The following WWC1 variants were observed in gnomAD, a reference collection of about 807,000 sequenced individuals.
WWC1 encodes the protein WW and C2 domain containing 1.
WWC1 carries 55 observed loss-of-function variants against 138.4 expected under a neutral mutation model. The observed-to-expected ratio is 0.40, with a 90% CI of 0.32 to 0.50. The LOEUF (loss-of-function observed/expected upper bound fraction) is 0.50, where lower values mean the gene tolerates loss of function less well. WWC1 is among the 20% of genes least tolerant of loss of function. The pLI, the probability that WWC1 is intolerant of heterozygous loss-of-function variation, is 0.72. For synonymous variants in WWC1, 524 were observed against 564.9 expected (o/e 0.93, Z 1.03); for missense variants, 1,226 against 1,420.4 (o/e 0.86, Z 2.20).
At chr5:168,451,155 A>AT (rs1755779560) in intron 17 of WWC1, among the ~76,000 whole-genome samples, 1 of 152,130 alleles carries the variant, frequency 6.6e-6, no homozygotes, top group African/African-American at 2.4e-5. Context: ...AGTAGCTAGA[A>AT]TTACAGGTGC....
At chr5:168,361,497 G>A (rs933503745) in intron 1 of WWC1, among the ~76,000 whole-genome samples, 60 of 152,144 alleles carry the variant, frequency 3.9e-4, no homozygotes, top group African/African-American at 1.3e-3. Flanking sequence ...CGGTATAATA[G>A]GGTTAGTTAG....
rs1582155236 is a variant in WWC1, at chr5:168,398,405, C to T, written c.510+605C>T. Among the ~76,000 whole-genome samples, 3 of 152,110 alleles carry T rather than the reference C, an allele frequency of 2.0e-5. No individual in the cohort carries two copies. In the East Asian group the frequency reaches 5.8e-4, roughly 29 times the overall value. On this transcript the variant is annotated intron_variant, in intron 4 of 22. Transcript: ENST00000265293. Reference sequence around the variant, plus strand: ...GTGTGAGCCACCACCAAGCTGTCACCTGCATTTTAAAGATGAGCAAACAGA... The same window carrying T: ...GTGTGAGCCACCACCAAGCTGTCACTTGCATTTTAAAGATGAGCAAACAGA...
At chr5:168,337,460 G>A (rs2152773195) in intron 1 of WWC1, among the ~76,000 whole-genome samples, 1 of 152,216 alleles carries the variant, frequency 6.6e-6, no homozygotes, top group South Asian at 2.1e-4. Flanking sequence ...AAATGGCTAG[G>A]GGCCAGGGAT....
chr5:168,301,003 G>A (rs887281597), intron 1 of WWC1, among the ~76,000 whole-genome samples: 6 of 152,182 alleles, frequency 3.9e-5, no homozygotes, highest in African/African-American at 1.4e-4. Context: ...TGCATTGTTT[G>A]TCTTTGTATC....
intron 1 of WWC1, among the ~76,000 whole-genome samples, chr5:168,355,524 A>G (rs1432533762): frequency 6.7e-6 from 1 of 148,462 alleles, no homozygotes; most frequent in African/African-American, 2.5e-5. Context: ...AAAAAACAGC[A>G]TTTCAACTGA....
intron 9 of WWC1, among the ~76,000 whole-genome samples, chr5:168,417,791 G>T (rs989937136): frequency 7.2e-5 from 11 of 152,140 alleles, no homozygotes; most frequent in African/African-American, 2.4e-4. Context: ...GAAACTGGAG[G>T]GCATGCAGGC....
intron 1 of WWC1, among the ~76,000 whole-genome samples, chr5:168,315,556 A>G (rs1030954005): frequency 6.6e-6 from 1 of 151,924 alleles, no homozygotes; most frequent in African/African-American, 2.4e-5. Flanking sequence ...GTAGGGGCCC[A>G]CTGTGTTTTC....
chr5:168,429,177 G>A (rs187189049), intron 13 of WWC1, among the ~76,000 whole-genome samples: 311 of 152,074 alleles, frequency 2.0e-3, no homozygotes, highest in African/African-American at 7.2e-3. Flanking sequence ...TTGATCACTG[G>A]GGGCTGCAGC....
intron 1 of WWC1, among the ~76,000 whole-genome samples, chr5:168,294,052 C>A (rs1470496116): frequency 1.3e-5 from 2 of 152,110 alleles, no homozygotes; most frequent in African/African-American, 4.8e-5. Flanking sequence ...TTTACGGAGG[C>A]CTGTGTGCTG....
At chr5:168,293,894 T>C (rs1769289273) in intron 1 of WWC1, among the ~76,000 whole-genome samples, 1 of 152,246 alleles carries the variant, frequency 6.6e-6, no homozygotes, top group Non-Finnish European at 1.5e-5. Context: ...CTTGTCACCC[T>C]GACACACTGC....
intron 11 of WWC1, among the ~76,000 whole-genome samples, chr5:168,426,034 A>G (rs1174379332): frequency 6.6e-6 from 1 of 152,196 alleles, no homozygotes; most frequent in African/African-American, 2.4e-5. Context: ...GGCTCCAGGC[A>G]TGGGCAGGAG....
intron 2 of WWC1, among the ~76,000 whole-genome samples, chr5:168,374,447 G>A (rs1248413224): frequency 6.6e-6 from 1 of 152,134 alleles, no homozygotes; most frequent in Non-Finnish European, 1.5e-5. Flanking sequence ...CTTGAAGGAG[G>A]TGAGAGAGCA....
chr5:168,417,018 C>T (rs1464000870), intron 9 of WWC1, among the ~76,000 whole-genome samples: 10 of 152,058 alleles, frequency 6.6e-5, no homozygotes, highest in African/African-American at 2.2e-4. Flanking sequence ...CAAGTGTGCA[C>T]CACCACACCC....
chr5:168,467,480 C>T (rs1180887510), intron 21 of WWC1, among the ~76,000 whole-genome samples: 1 of 152,178 alleles, frequency 6.6e-6, no homozygotes, highest in African/African-American at 2.4e-5. Context: ...TCTTAGTAGT[C>T]TGACATTAAA....
rs183378480 is a variant in WWC1, at chr5:168,343,073, T to C, written c.120-28351T>C. ...CATCCAGCCCTAAGAGCCTGGGGGG[T>C]TTGTATGCATTTTCATTGCGCAGAT... On this transcript the variant is annotated intron_variant, in intron 1 of 22. Coordinates refer to ENST00000265293, the MANE Select transcript of WWC1 (RefSeq NM_015238.3). Among the ~76,000 whole-genome samples, 24 of 151,788 alleles carry C rather than the reference T, an allele frequency of 1.6e-4. No individual in the cohort carries two copies. The East Asian group carries it at 4.3e-3, about 27-fold the overall frequency.
In WWC1 at chr5:168,315,082, A is replaced by G. The variant is rs191668362; in HGVS notation, c.119+22811A>G. Among the ~76,000 whole-genome samples the G allele has an allele frequency of 3.5e-3, 526 of 152,274 alleles. 3 individuals carry two copies. Among genetic ancestry groups the G allele is most frequent in the African/African-American group, 0.012 (494 of 41,548 alleles). ...ACGTTGGCATGTATGTCTGTGTAAC[A>G]TGACTGAAGAACGAGTCATTAGTGA... On this transcript the variant is annotated intron_variant, in intron 1 of 22. Transcript: ENST00000265293.
At chr5:168,342,944 G>A (rs1774164627) in intron 1 of WWC1, among the ~76,000 whole-genome samples, 1 of 152,186 alleles carries the variant, frequency 6.6e-6, no homozygotes, top group South Asian at 2.1e-4. Context: ...TAGGCAGGGA[G>A]CAAGGGGTGT....
intron 5 of WWC1, among the ~76,000 whole-genome samples, chr5:168,403,118 G>A (rs577635534): frequency 4.0e-5 from 5 of 124,226 alleles, no homozygotes; most frequent in African/African-American, 1.0e-4. Context: ...CTTTTCTTTC[G>A]ACAGAGTCTT....
intron 1 of WWC1, among the ~76,000 whole-genome samples, chr5:168,343,906 C>T (rs1774256327): frequency 6.6e-6 from 1 of 151,922 alleles, no homozygotes. Flanking sequence ...CAGATGTCTC[C>T]CCCACCATAC....
Sources: gnomAD v4.1 joint callset for allele counts (sites outside exome capture counted in the v4.1 genomes callset) on GRCh38, gnomAD v4.1.1 for gene constraint, MANE v1.5 for transcripts, NCBI Gene and HGNC (gene_info 2026-07-23, HGNC 2026-07-21) for gene names.